The following WWOX variants were observed in gnomAD, a reference collection of about 807,000 sequenced individuals.
The protein encoded by WWOX is WW domain-containing oxidoreductase.
A neutral mutation model predicts 46.2 loss-of-function variants in WWOX; 69 were observed. The ratio of observed to expected loss-of-function variants is 1.49; its 90% CI spans 1.23 to 1.82. The LOEUF is 1.82. Among genes scored for constraint, WWOX ranks in the 40% most tolerant of loss-of-function variants. WWOX has a pLI of 0.00. For missense variants in WWOX, 919 were observed against 542.6 expected, an observed-to-expected ratio of 1.69 and a Z score of -6.89; for synonymous variants, 359 against 202.6, an observed-to-expected ratio of 1.77 and a Z score of -6.56.
intron 5 of WWOX, among the ~76,000 whole-genome samples, chr16:78,379,782 A>C (rs558531787): frequency 1.1e-3 from 162 of 152,246 alleles, no homozygotes; most frequent in African/African-American, 3.8e-3. Context: ...GTAAAGTAAT[A>C]ATTTGTGGTT....
chr16:78,165,461 G>A (rs2034939607), intron 5 of WWOX, among the ~76,000 whole-genome samples: 1 of 152,154 alleles, frequency 6.6e-6, no homozygotes, highest in Admixed American at 6.5e-5. Context: ...AGGGAGTTGG[G>A]AGACCTTTGG....
chr16:78,787,978 T>A (rs1005807734), intron 8 of WWOX, among the ~76,000 whole-genome samples: 1 of 152,204 alleles, frequency 6.6e-6, no homozygotes, highest in Non-Finnish European at 1.5e-5. Flanking sequence ...CTTTGCCCAG[T>A]TTTTAACTGG....
chr16:79,021,839 A>C (rs1372356517), intron 8 of WWOX, among the ~76,000 whole-genome samples: 1 of 152,214 alleles, frequency 6.6e-6, no homozygotes, highest in Non-Finnish European at 1.5e-5. Context: ...TTGTTCAATC[A>C]CACATACACA....
At chr16:78,123,417 T>A (rs1300892314) in intron 4 of WWOX, 2 of 149,134 alleles carry the variant, frequency 1.3e-5, no homozygotes, top group African/African-American at 4.9e-5. Context: ...TGACCCTATG[T>A]TTTTTTCTTT....
rs200824665 is a variant in WWOX at position 79,151,359 on chromosome 16, TC to T, written c.1057-60244del. Among the ~76,000 whole-genome samples the T allele has an allele frequency of 2.0e-5, 3 of 152,162 alleles. No individual in the cohort carries two copies. In the East Asian group the frequency reaches 5.8e-4, roughly 29 times the overall value. On this transcript the variant is annotated intron_variant, in intron 8 of 8. Coordinates refer to ENST00000566780, the MANE Select transcript of WWOX (RefSeq NM_016373.4). ...CGTCTCCAGCAGGTGTTGTGTGGAT[TC>T]CCCCAAATCCGTAGGCTCTTATTTC...
intron 8 of WWOX, among the ~76,000 whole-genome samples, chr16:79,131,922 G>A (rs751025920): frequency 4.6e-5 from 7 of 152,102 alleles, no homozygotes; most frequent in Non-Finnish European, 8.8e-5. Context: ...AGCTTGTTCA[G>A]GGAAACCCCT....
chr16:78,519,482 A>G (rs1391878318), intron 8 of WWOX, among the ~76,000 whole-genome samples: 1 of 151,258 alleles, frequency 6.6e-6, no homozygotes. Context: ...TATATTATAC[A>G]TCTATGAAAT....
chr16:78,658,429 C>T (rs1331089457), intron 8 of WWOX, among the ~76,000 whole-genome samples: 9 of 152,152 alleles, frequency 5.9e-5, no homozygotes, highest in Admixed American at 5.9e-4. Flanking sequence ...TTTCCCAGGG[C>T]TTCCTTGAAA....
In WWOX at chr16:78,575,058, T is replaced by A. The variant is rs1285434478; in HGVS notation, c.1056+142306T>A. On this transcript the variant is annotated intron_variant, in intron 8 of 8. Coordinates refer to ENST00000566780, the MANE Select transcript of WWOX (RefSeq NM_016373.4). ...ATATATATATATATATATATATATA[T>A]ATATATATATATATATATATATATA... Among the ~76,000 whole-genome samples, 35 of 16,930 alleles carry A rather than the reference T, an allele frequency of 2.1e-3. 1 individual carries two copies. The East Asian group carries it at 0.027, about 13-fold the overall frequency. 11.1% of individuals were successfully genotyped at this position (16,930 alleles called of 152,430 possible).
At chr16:78,836,282 A>G (rs11859802) in intron 8 of WWOX, among the ~76,000 whole-genome samples, 18,419 of 152,062 alleles carry the variant, frequency 0.12, 1,133 homozygotes, top group East Asian at 0.2. Flanking sequence ...GCTGTGGCCT[A>G]GGGAGGGACA....
intron 8 of WWOX, among the ~76,000 whole-genome samples, chr16:78,803,568 T>C (rs545565927): frequency 3.3e-5 from 5 of 152,270 alleles, no homozygotes; most frequent in Non-Finnish European, 5.9e-5. Context: ...TGCCTCAGCC[T>C]CCCAAGTAGC....
At chr16:78,424,103 TTTTC>T (rs1398606058) in intron 6 of WWOX, among the ~76,000 whole-genome samples, 4,034 of 123,926 alleles carry the variant, frequency 0.033, 42 homozygotes, top group Middle Eastern at 0.042. Flanking sequence ...TTTTCTTTTC[TTTTC>T]TTTTTTTTTT....
Position 78,651,392 on chromosome 16 carries a change from C to G in WWOX, c.1056+218640C>G, listed in dbSNP as rs530240687. ...ATATCTGTGGATGTCAGGTTGAATA[C>G]AAGCAGCTATTCAGTGTTTTACTCT... On this transcript the variant is annotated intron_variant, in intron 8 of 8. Coordinates refer to ENST00000566780, the MANE Select transcript of WWOX (RefSeq NM_016373.4). Among the ~76,000 whole-genome samples the G allele has an allele frequency of 2.4e-3, 362 of 152,298 alleles. 1 individual carries two copies. Among genetic ancestry groups the G allele is most frequent in the African/African-American group, 8.4e-3 (351 of 41,560 alleles).
intron 8 of WWOX, among the ~76,000 whole-genome samples, chr16:78,721,107 C>A (rs566261853): frequency 1.3e-5 from 2 of 152,220 alleles, no homozygotes; most frequent in African/African-American, 2.4e-5. Flanking sequence ...AATCTCTTAG[C>A]CCAGAATCTC....
chr16:79,119,190 TAA>T (rs10545268), intron 8 of WWOX, among the ~76,000 whole-genome samples: 11,942 of 148,342 alleles, frequency 0.081, 792 homozygotes, highest in African/African-American at 0.18. Context: ...GAGTGCTCAT[TAA>T]AAAAAAAAAA....
chr16:78,588,277 A>G (rs2045266837), intron 8 of WWOX, among the ~76,000 whole-genome samples: 1 of 152,172 alleles, frequency 6.6e-6, no homozygotes, highest in Non-Finnish European at 1.5e-5. Flanking sequence ...ACAGAAGGAG[A>G]CCAGACTCAT....
At chr16:78,964,281 G>A (rs904411609) in intron 8 of WWOX, among the ~76,000 whole-genome samples, 1 of 152,202 alleles carries the variant, frequency 6.6e-6, no homozygotes, top group Non-Finnish European at 1.5e-5. Flanking sequence ...GAGACTTGTT[G>A]AATGGCTTTG....
chr16:79,010,229 G>C (rs975172836), intron 8 of WWOX, among the ~76,000 whole-genome samples: 3 of 152,226 alleles, frequency 2.0e-5, no homozygotes, highest in Non-Finnish European at 2.9e-5. Context: ...AGCATCTGCT[G>C]TGTGCCAGAC....
At position 78,551,013 on chromosome 16, in the gene WWOX, G is replaced by A. The variant is rs111715975; in HGVS notation, c.1056+118261G>A. 2.7e-4 allele frequency: 41 copies of A among 152,262 alleles called. 1 individual carries two copies. The highest frequency in any genetic ancestry group is 9.6e-4 in the African/African-American group (40 of 41,560). The allele number at this position is 152,262 out of a possible 1,614,324, so 9.4% of individuals were successfully genotyped here. A position where few individuals can be genotyped will look rare whatever the true frequency, so the allele number is the denominator to read the frequency against. On this transcript the variant is annotated intron_variant, in intron 8 of 8. Coordinates refer to ENST00000566780, the MANE Select transcript of WWOX (RefSeq NM_016373.4). ...TTCTGAGTAACAGTCAATATATTCA[G>A]TGAAACAAATACCTAATATATTCCA...
Sources: allele counts gnomAD v4.1 joint callset (sites outside exome capture counted in the v4.1 genomes callset), GRCh38; gene constraint gnomAD v4.1.1; transcripts MANE v1.5; gene names NCBI Gene and HGNC (gene_info 2026-07-23, HGNC 2026-07-21).